The following FAM184B variants were observed in gnomAD, a reference collection of about 807,000 sequenced individuals.
The protein encoded by FAM184B is family with sequence similarity 184 member B, also known as protein FAM184B.
A neutral mutation model predicts 135.9 loss-of-function variants in FAM184B; 111 were observed. That is an observed-to-expected ratio of 0.82 (90% CI 0.70 to 0.96). The LOEUF (loss-of-function observed/expected upper bound fraction) is 0.96. Among genes scored for constraint, FAM184B ranks in the 40% least tolerant of loss-of-function variants. The pLI is 0.00. For synonymous variants in FAM184B, 552 were observed against 524.8 expected (o/e 1.05, Z -0.71); for missense variants, 1,375 against 1,323.9 (o/e 1.04, Z -0.60).
intron 1 of FAM184B, among the ~76,000 whole-genome samples, chr4:17,712,864 G>A (rs2108968305): frequency 6.6e-6 from 1 of 152,344 alleles, no homozygotes; most frequent in East Asian, 1.9e-4. Context: ...GGGTATCACT[G>A]TGTGCCTGTG....
At chr4:17,751,404 T>C (rs1459242578) in intron 1 of FAM184B, among the ~76,000 whole-genome samples, 5 of 151,514 alleles carry the variant, frequency 3.3e-5, no homozygotes, top group African/African-American at 1.2e-4. Context: ...GGAAGTGCTG[T>C]GGGGAAAAAC....
chr4:17,690,288 A>T (rs1441854907), intron 6 of FAM184B, among the ~76,000 whole-genome samples: 2 of 152,204 alleles, frequency 1.3e-5, no homozygotes, highest in Non-Finnish European at 2.9e-5. Flanking sequence ...CAGCAGGTGT[A>T]GTGGTAGAGG....
intron 1 of FAM184B, among the ~76,000 whole-genome samples, chr4:17,759,617 C>T (rs1311785769): frequency 1.3e-5 from 2 of 152,024 alleles, no homozygotes; most frequent in African/African-American, 2.4e-5. Context: ...CTCAGCCTCC[C>T]GAGTAGCTGA....
rs1577238522 is a variant in FAM184B at position 17,634,150 on chromosome 4, T to A, written c.2890-262A>T. 4.3e-5 allele frequency: 13 copies of A among 299,910 alleles called. No individual in the cohort carries two copies. The East Asian group carries it at 7.6e-4, about 18-fold the overall frequency. The allele number at this position is 299,910 out of a possible 1,614,324, so 18.6% of individuals were successfully genotyped here. A position where few individuals can be genotyped will look rare whatever the true frequency, so the allele number is the denominator to read the frequency against. ...TTTGCAACTCAATTTTGTTTAAGATTTTAGAAGGTCATGTAACACCCCCAG... is the reference window on the plus strand; with the variant it reads ...TTTGCAACTCAATTTTGTTTAAGATATTAGAAGGTCATGTAACACCCCCAG... On this transcript the variant is annotated intron_variant, in intron 16 of 17. Coordinates refer to ENST00000265018, the MANE Select transcript of FAM184B (RefSeq NM_015688.2).
chr4:17,722,862 T>C (rs2108973279), intron 1 of FAM184B, among the ~76,000 whole-genome samples: 1 of 152,276 alleles, frequency 6.6e-6, no homozygotes, highest in Admixed American at 6.5e-5. Flanking sequence ...TTTTTATGAA[T>C]AAAAACAATA....
At chr4:17,663,865 A>G (rs559989032) in intron 8 of FAM184B, among the ~76,000 whole-genome samples, 1 of 152,096 alleles carries the variant, frequency 6.6e-6, no homozygotes, top group Non-Finnish European at 1.5e-5. Context: ...GTGAGTTTTC[A>G]TGAAATCTGA....
chr4:17,657,207 C>T (rs1388426347), intron 10 of FAM184B, among the ~76,000 whole-genome samples: 13 of 152,142 alleles, frequency 8.5e-5, no homozygotes, highest in Admixed American at 8.5e-4. Context: ...CAAAGTCTTC[C>T]TACAACTTCT....
In FAM184B at chr4:17,767,945, A is replaced by C. The variant is rs74605318; in HGVS notation, c.141+13214T>G. On this transcript the variant is annotated intron_variant, in intron 1 of 17. Transcript: ENST00000265018. Reference sequence around the variant, plus strand: ...CTTTTTCTGTAAAGGTAGTAGTTCTAGGCTTCATTCAATCTCTGTCATAAC... The same window carrying C: ...CTTTTTCTGTAAAGGTAGTAGTTCTCGGCTTCATTCAATCTCTGTCATAAC... 9.2e-3 allele frequency among the ~76,000 whole-genome samples: 1,405 copies of C among 152,292 alleles called. 21 individuals carry two copies. The highest frequency in any genetic ancestry group is 0.032 in the African/African-American group (1,338 of 41,548).
At chr4:17,727,893 C>T (rs1386586987) in intron 1 of FAM184B, among the ~76,000 whole-genome samples, 1 of 152,034 alleles carries the variant, frequency 6.6e-6, no homozygotes, top group Non-Finnish European at 1.5e-5. Flanking sequence ...GTCAAATAAG[C>T]TTGGGGAGTG....
chr4:17,637,954 A>C (rs1477418018), intron 14 of FAM184B, among the ~76,000 whole-genome samples: 5 of 147,424 alleles, frequency 3.4e-5, no homozygotes, highest in Non-Finnish European at 7.5e-5. Flanking sequence ...TCAGGGCAGG[A>C]GTCCCTTCAC....
chr4:17,633,925 G>A (rs1447385028), intron 16 of FAM184B, 37 bp from the exon 17 acceptor site: 2 of 1,322,734 alleles, frequency 1.5e-6, no homozygotes, highest in Non-Finnish European at 2.0e-6. Context: ...GCAATGCAAT[G>A]CAAAAAACAA....
chr4:17,685,518 C>T (rs1716558204), intron 7 of FAM184B, among the ~76,000 whole-genome samples: 1 of 143,908 alleles, frequency 6.9e-6, no homozygotes, highest in South Asian at 2.3e-4. Flanking sequence ...CATTGCACTC[C>T]AGCCTGGGTG....
intron 11 of FAM184B, among the ~76,000 whole-genome samples, chr4:17,648,227 A>G (rs1159112571): frequency 6.6e-6 from 1 of 152,178 alleles, no homozygotes; most frequent in African/African-American, 2.4e-5. Flanking sequence ...TTCTGTGACA[A>G]CGCTTGGCCT....
At chr4:17,721,908 A>G (rs1169470357) in intron 1 of FAM184B, among the ~76,000 whole-genome samples, 1 of 152,214 alleles carries the variant, frequency 6.6e-6, no homozygotes. Context: ...TTCTCTCACA[A>G]GATTCGGCCT....
rs553538820 is a variant in FAM184B, at chr4:17,727,290, G to A, written c.142-17646C>T. 7.2e-5 allele frequency among the ~76,000 whole-genome samples: 11 copies of A among 152,230 alleles called. No homozygotes were observed. The East Asian group carries it at 9.7e-4, about 13-fold the overall frequency. On this transcript the variant is annotated intron_variant, in intron 1 of 17. Coordinates refer to ENST00000265018, the MANE Select transcript of FAM184B (RefSeq NM_015688.2). Reference sequence around the variant, plus strand: ...AAAGATGGCACAGGATGAAGGCTCCGCAGGACACCAGAGGAGGCACCAGGA... The same window carrying A: ...AAAGATGGCACAGGATGAAGGCTCCACAGGACACCAGAGGAGGCACCAGGA...
At chr4:17,715,304 A>G (rs1717381955) in intron 1 of FAM184B, among the ~76,000 whole-genome samples, 1 of 151,938 alleles carries the variant, frequency 6.6e-6, no homozygotes, top group Non-Finnish European at 1.5e-5. Flanking sequence ...GTGAAACCCC[A>G]TCTCCATTAA....
intron 1 of FAM184B, among the ~76,000 whole-genome samples, chr4:17,730,352 T>C (rs532744814): frequency 6.8e-4 from 104 of 152,304 alleles, no homozygotes; most frequent in African/African-American, 2.4e-3. Context: ...CAGGATATTA[T>C]GCAGGAGAAC....
chr4:17,647,287 A>G (rs1379178519), intron 12 of FAM184B, among the ~76,000 whole-genome samples: 1 of 134,034 alleles, frequency 7.5e-6, no homozygotes, highest in Non-Finnish European at 1.5e-5. Context: ...GGGTCTTGCT[A>G]TGTTGCCCAG....
intron 13 of FAM184B, 135 bp downstream of exon 13, chr4:17,641,921 A>G (rs2108930666): frequency 7.8e-7 from 1 of 1,277,712 alleles, no homozygotes; most frequent in African/African-American, 1.7e-5. Flanking sequence ...TTCAGTGTCT[A>G]GTGTCTTGTG....
Sources: gnomAD v4.1 joint callset for allele counts (sites outside exome capture counted in the v4.1 genomes callset) on GRCh38, gnomAD v4.1.1 for gene constraint, MANE v1.5 for transcripts, NCBI Gene and HGNC (gene_info 2026-07-23, HGNC 2026-07-21) for gene names.